ANK3: variants seen among roughly 807,000 people sequenced by gnomAD.
ANK3 encodes ankyrin 3, also known as ankyrin-3.
ANK3 carries 57 observed loss-of-function variants against 370.9 expected under a neutral mutation model. The ratio of observed to expected loss-of-function variants is 0.15; its 90% CI spans 0.12 to 0.19. The LOEUF (loss-of-function observed/expected upper bound fraction) is 0.19. ANK3 is among the 10% of genes least tolerant of loss of function. ANK3 has a pLI of 1.00. For missense variants in ANK3, 4,439 were observed against 5,302.1 expected (o/e 0.84, Z 5.06); for synonymous variants, 1,929 against 1,946.3 (o/e 0.99, Z 0.23).
chr10:60,578,120 C>T (rs2077705041), intron 2 of ANK3, among the ~76,000 whole-genome samples: 1 of 152,180 alleles, frequency 6.6e-6, no homozygotes, highest in Non-Finnish European at 1.5e-5. Context: ...CAACCAGGTC[C>T]ATAGCAGGAT....
In ANK3 at chr10:60,180,615, C is replaced by CA. The variant is rs990463587; in HGVS notation, c.2184+713dup. On this transcript the variant is annotated intron_variant, in intron 18 of 43. Coordinates refer to ENST00000280772, the MANE Select transcript of ANK3 (RefSeq NM_020987.5). ...GTCTCAAAAAAAAAAAAAAAAAAAC[C>CA]AAAAAAAAAACATGTTAGAGTAGAT... Among the ~76,000 whole-genome samples the CA allele has an allele frequency of 1.4e-3, 148 of 106,100 alleles. 3 individuals carry two copies. Among genetic ancestry groups the CA allele is most frequent in the African/African-American group, 3.5e-3 (100 of 28,580 alleles). 69.6% of individuals were successfully genotyped at this position (106,100 alleles called of 152,430 possible).
At chr10:60,679,310 G>A (rs1397090875) in intron 1 of ANK3, among the ~76,000 whole-genome samples, 1 of 152,184 alleles carries the variant, frequency 6.6e-6, no homozygotes, top group Admixed American at 6.5e-5. Context: ...CACCAGGAAT[G>A]TCAGGCAACC....
chr10:60,688,578 T>C (rs189610368), intron 1 of ANK3, among the ~76,000 whole-genome samples: 2 of 152,282 alleles, frequency 1.3e-5, no homozygotes, highest in East Asian at 1.9e-4. Flanking sequence ...TTCCATTTTG[T>C]GAATATACCA....
intron 1 of ANK3, among the ~76,000 whole-genome samples, chr10:60,341,243 T>G (rs1358673860): frequency 2.0e-5 from 3 of 152,204 alleles, no homozygotes; most frequent in Admixed American, 1.3e-4. Context: ...TCAAAGCCAG[T>G]AGGGAGAGTT....
At chr10:60,382,782 A>AACCTAT (rs2061705815) in intron 1 of ANK3, among the ~76,000 whole-genome samples, 1 of 122,370 alleles carries the variant, frequency 8.2e-6, no homozygotes, top group Non-Finnish European at 1.7e-5. Flanking sequence ...TTCGATATTT[A>AACCTAT]ACCTATACCT....
chr10:60,109,637 A>C lies in ANK3; in HGVS notation c.2949-583T>G, dbSNP rs539679385. On this transcript the variant is annotated intron_variant, in intron 26 of 43. Transcript: ENST00000280772. ...TGATGGAAAGAGATTAAATGTTTTC[A>C]GTATAAATATGGGCTTAAAAGCTGT... Among the ~76,000 whole-genome samples the C allele has an allele frequency of 4.6e-5, 7 of 152,344 alleles. No homozygotes were observed. In the South Asian group the frequency reaches 1.4e-3, roughly 32 times the overall value.
chr10:60,395,564 C>CTTTCTTTCTTTCT (rs1567004256), intron 2 of ANK3, among the ~76,000 whole-genome samples: 1 of 101,714 alleles, frequency 9.8e-6, no homozygotes, highest in African/African-American at 4.0e-5. Context: ...TTCTTTCTTT[C>CTTTCTTTCTTTCT]TTTCTTTCTT....
At chr10:60,250,393 C>CTCG (rs1374929511) in intron 7 of ANK3, among the ~76,000 whole-genome samples, 1 of 152,110 alleles carries the variant, frequency 6.6e-6, no homozygotes, top group Non-Finnish European at 1.5e-5. Context: ...GAGATGGAGT[C>CTCG]TCGCTCTGTC....
chr10:60,263,795 C>T (rs770993528), intron 6 of ANK3, 40 bp downstream of exon 6: 40 of 1,610,226 alleles, frequency 2.5e-5, no homozygotes, highest in East Asian at 4.5e-5. Context: ...TGTCTAACAC[C>T]GGAGAGTTGC....
At chr10:60,658,573 C>A (rs143388047) in intron 1 of ANK3, among the ~76,000 whole-genome samples, 1 of 151,980 alleles carries the variant, frequency 6.6e-6, no homozygotes, top group African/African-American at 2.4e-5. Flanking sequence ...TTGTTTTAAG[C>A]GATTATAGCT....
Position 60,069,520 on chromosome 10 carries a change from ATTAAAGTTATCTTT to A in ANK3, c.11347_11360del (p.Lys3783Ter). The A allele has an allele frequency of 6.2e-7, 1 of 1,613,358 alleles. No homozygotes were observed. The highest frequency in any genetic ancestry group is 8.5e-7 in the Non-Finnish European group (1 of 1,179,834). ...TGGAAGAATCCAAATTGTTGTTGTT[ATTAAAGTTATCTTT>A]TTGAAAATCATGTTTTTCATGGGGC... is the stretch of plus-strand genomic sequence containing the variant. On this transcript the variant is annotated frameshift_variant, in exon 37 of 44. Coordinates refer to ENST00000280772, the MANE Select transcript of ANK3 (RefSeq NM_020987.5). LOFTEE classifies it high-confidence loss of function.
intron 1 of ANK3, among the ~76,000 whole-genome samples, chr10:60,669,239 C>CA (rs2079036427): frequency 6.6e-6 from 1 of 152,224 alleles, no homozygotes; most frequent in Admixed American, 6.5e-5. Flanking sequence ...TCGCTTCTGA[C>CA]AAATGTCGGC....
At chr10:60,631,639 T>C (rs914405449) in intron 1 of ANK3, among the ~76,000 whole-genome samples, 6 of 152,094 alleles carry the variant, frequency 3.9e-5, no homozygotes, top group Admixed American at 3.3e-4. Flanking sequence ...TTTCAAAACA[T>C]GCATCAAAAT....
intron 7 of ANK3, among the ~76,000 whole-genome samples, chr10:60,246,386 T>C (rs2097556759): frequency 6.6e-6 from 1 of 152,038 alleles, no homozygotes. Context: ...AGTCCTTTTC[T>C]CTTTTCCAGT....
intron 2 of ANK3, among the ~76,000 whole-genome samples, chr10:60,488,224 CA>C (rs1194332307): frequency 1.3e-5 from 2 of 152,016 alleles, no homozygotes; most frequent in East Asian, 3.9e-4. Flanking sequence ...AAATGTTTGC[CA>C]AAAGTAGCTT....
At chr10:60,089,985 T>C (rs1471086278) in intron 28 of ANK3, among the ~76,000 whole-genome samples, 3 of 152,284 alleles carry the variant, frequency 2.0e-5, no homozygotes, top group Admixed American at 6.5e-5. Flanking sequence ...TCTTATTGTA[T>C]ATAAATAAAA....
At chr10:60,331,326 G>A (rs1003092337) in intron 1 of ANK3, among the ~76,000 whole-genome samples, 1 of 151,902 alleles carries the variant, frequency 6.6e-6, no homozygotes, top group Non-Finnish European at 1.5e-5. Context: ...AGGCTGTAAT[G>A]CTAAGTAAAA....
chr10:60,329,159 A>C (rs1369506140), intron 1 of ANK3, among the ~76,000 whole-genome samples: 2 of 152,220 alleles, frequency 1.3e-5, no homozygotes, highest in Non-Finnish European at 2.9e-5. Flanking sequence ...TATCTATGAC[A>C]AACCCACAGC....
At chr10:60,301,699 G>C (rs892576546) in intron 1 of ANK3, among the ~76,000 whole-genome samples, 1 of 152,128 alleles carries the variant, frequency 6.6e-6, no homozygotes, top group African/African-American at 2.4e-5. Flanking sequence ...TTACAGGCAT[G>C]AGCCACTGTA....
Sources: allele counts gnomAD v4.1 joint callset (sites outside exome capture counted in the v4.1 genomes callset), GRCh38; gene constraint gnomAD v4.1.1; transcripts MANE v1.5; gene names NCBI Gene and HGNC (gene_info 2026-07-23, HGNC 2026-07-21).